The following KCNIP4 variants were observed in gnomAD, a reference collection of about 807,000 sequenced individuals.
The protein encoded by KCNIP4 is potassium voltage-gated channel interacting protein 4, also known as Kv channel-interacting protein 4.
Under a neutral mutation model 34.0 loss-of-function variants are expected in KCNIP4, and 12 were observed. The ratio of observed to expected loss-of-function variants is 0.35; its 90% CI spans 0.23 to 0.57. KCNIP4 has a LOEUF of 0.57. Among genes scored for constraint, KCNIP4 ranks in the 20% least tolerant of loss-of-function variants. The pLI, the probability that KCNIP4 is intolerant of heterozygous loss-of-function variation, is 0.83. For synonymous variants in KCNIP4, 124 were observed against 102.2 expected (o/e 1.21, Z -1.29); for missense variants, 238 against 311.7 (o/e 0.76, Z 1.78).
intron 1 of KCNIP4, among the ~76,000 whole-genome samples, chr4:20,947,602 A>C (rs1732321347): frequency 6.6e-6 from 1 of 152,228 alleles, no homozygotes; most frequent in African/African-American, 2.4e-5. Flanking sequence ...TTTAATATGC[A>C]AATGATTATT....
chr4:21,692,827 A>ATTTTTTT (rs35231092), intron 1 of KCNIP4, among the ~76,000 whole-genome samples: 4 of 87,250 alleles, frequency 4.6e-5, no homozygotes, highest in African/African-American at 1.4e-4. Context: ...AAATCCTGTC[A>ATTTTTTT]TTTTTTTTTT....
chr4:20,888,591 T>C (rs374353777), intron 1 of KCNIP4, among the ~76,000 whole-genome samples: 4 of 152,150 alleles, frequency 2.6e-5, no homozygotes, highest in Admixed American at 6.5e-5. Flanking sequence ...TGCCTTAGTA[T>C]GTAGGACATT....
chr4:21,592,390 T>C (rs1268564627), intron 1 of KCNIP4, among the ~76,000 whole-genome samples: 1 of 152,154 alleles, frequency 6.6e-6, no homozygotes, highest in Non-Finnish European at 1.5e-5. Context: ...TATTCCATCA[T>C]AGAAAGTATT....
At chr4:21,587,773 A>G (rs1741756325) in intron 1 of KCNIP4, among the ~76,000 whole-genome samples, 1 of 152,016 alleles carries the variant, frequency 6.6e-6, no homozygotes, top group Non-Finnish European at 1.5e-5. Flanking sequence ...AGCCTTCACT[A>G]GTTGGAGAAA....
At chr4:21,475,703 C>T (rs574433280) in intron 1 of KCNIP4, among the ~76,000 whole-genome samples, 2 of 152,220 alleles carry the variant, frequency 1.3e-5, no homozygotes, top group Non-Finnish European at 2.9e-5. Flanking sequence ...TTGGCTATAT[C>T]GCAGCTACAG....
At chr4:21,200,764 C>A (rs1756432415) in intron 1 of KCNIP4, among the ~76,000 whole-genome samples, 2 of 151,746 alleles carry the variant, frequency 1.3e-5, no homozygotes, top group African/African-American at 2.4e-5. Context: ...TAACAAAAAA[C>A]CACTTGTACC....
At chr4:20,953,144 A>C (rs999292409) in intron 1 of KCNIP4, among the ~76,000 whole-genome samples, 1 of 152,234 alleles carries the variant, frequency 6.6e-6, no homozygotes, top group African/African-American at 2.4e-5. Context: ...ATGAGTCTGC[A>C]TTTGAATCTT....
At chr4:20,832,049 A>T (rs1718492544) in intron 3 of KCNIP4, among the ~76,000 whole-genome samples, 1 of 152,168 alleles carries the variant, frequency 6.6e-6, no homozygotes, top group Admixed American at 6.5e-5. Flanking sequence ...TATTTCAAAT[A>T]GTTTGTTACT....
At chr4:20,962,199 T>C (rs1186492444) in intron 1 of KCNIP4, among the ~76,000 whole-genome samples, 1 of 152,168 alleles carries the variant, frequency 6.6e-6, no homozygotes, top group African/African-American at 2.4e-5. Context: ...CAAGCCTAAG[T>C]GTCCCCTGGG....
chr4:21,670,311 T>G (rs1255424215), intron 1 of KCNIP4, among the ~76,000 whole-genome samples: 1 of 151,070 alleles, frequency 6.6e-6, no homozygotes, highest in African/African-American at 2.4e-5. Flanking sequence ...CTCAGTAAAC[T>G]ATCGCAAGAA....
intron 2 of KCNIP4, among the ~76,000 whole-genome samples, chr4:20,880,723 G>T (rs1218838565): frequency 1.3e-5 from 2 of 152,266 alleles, no homozygotes; most frequent in African/African-American, 2.4e-5. Flanking sequence ...TGGCAATTTT[G>T]ATTCCAACCT....
At chr4:21,735,178 T>C (rs906366404) in intron 1 of KCNIP4, among the ~76,000 whole-genome samples, 2 of 151,950 alleles carry the variant, frequency 1.3e-5, no homozygotes, top group African/African-American at 4.8e-5. Flanking sequence ...AGAGCCATAA[T>C]GGGGCAAGTA....
At chr4:21,749,253 G>A (rs186187663) in intron 1 of KCNIP4, among the ~76,000 whole-genome samples, 2 of 152,214 alleles carry the variant, frequency 1.3e-5, no homozygotes, top group East Asian at 1.9e-4. Flanking sequence ...CATTCTCAAT[G>A]GAAAATTGAT....
At chr4:21,940,223 G>T (rs1212760870) in intron 1 of KCNIP4, among the ~76,000 whole-genome samples, 4 of 152,080 alleles carry the variant, frequency 2.6e-5, no homozygotes, top group African/African-American at 7.2e-5. Flanking sequence ...TAGAAAAATT[G>T]GTAGAGGGTA....
intron 1 of KCNIP4, among the ~76,000 whole-genome samples, chr4:21,398,138 T>C (rs912001391): frequency 6.6e-6 from 1 of 152,208 alleles, no homozygotes; most frequent in African/African-American, 2.4e-5. Flanking sequence ...TAAGTCTGGG[T>C]AAGTCTATTC....
intron 1 of KCNIP4, among the ~76,000 whole-genome samples, chr4:21,447,714 G>A (rs904356904): frequency 6.6e-6 from 1 of 152,082 alleles, no homozygotes; most frequent in African/African-American, 2.4e-5. Context: ...ACATGAATAT[G>A]ATCTCACTCT....
In KCNIP4 at chr4:21,284,870, C is replaced by T. The variant is rs374424059; in HGVS notation, c.62-402161G>A. Among the ~76,000 whole-genome samples, 8 of 152,092 alleles carry T rather than the reference C, an allele frequency of 5.3e-5. No homozygotes were observed. In the South Asian group the frequency reaches 6.2e-4, roughly 12 times the overall value. On this transcript the variant is annotated intron_variant, in intron 1 of 8. Transcript: ENST00000382152. ...CACTTCTGGGGGATGAACACACCCA[C>T]CGGGAGAAGGGATTCCAAGAGACCT...
intron 1 of KCNIP4, among the ~76,000 whole-genome samples, chr4:21,724,091 A>C (rs1274960072): frequency 1.3e-5 from 2 of 152,116 alleles, no homozygotes; most frequent in Non-Finnish European, 2.9e-5. Context: ...TAGAACCTAC[A>C]TGAATGATGG....
At chr4:21,542,814 G>C (rs1353038075) in intron 1 of KCNIP4, among the ~76,000 whole-genome samples, 3 of 151,366 alleles carry the variant, frequency 2.0e-5, no homozygotes, top group Non-Finnish European at 3.0e-5. Flanking sequence ...GTGAATCTAA[G>C]TAACAAAGAG....
Sources: gnomAD v4.1 joint callset for allele counts (sites outside exome capture counted in the v4.1 genomes callset) on GRCh38, gnomAD v4.1.1 for gene constraint, MANE v1.5 for transcripts, NCBI Gene and HGNC (gene_info 2026-07-23, HGNC 2026-07-21) for gene names.